The following AP4B1 variants were observed in gnomAD, a reference collection of about 807,000 sequenced individuals.
AP4B1 encodes the protein adaptor related protein complex 4 subunit beta 1, also known as AP-4 complex subunit beta-1.
A neutral mutation model predicts 76.5 loss-of-function variants in AP4B1; 49 were observed. The observed-to-expected ratio is 0.64, with a 90% CI of 0.51 to 0.81. The LOEUF (loss-of-function observed/expected upper bound fraction) is 0.81. AP4B1 is among the 40% of genes least tolerant of loss of function. AP4B1 has a pLI of 0.00. For missense variants in AP4B1, 911 were observed against 904.9 expected, an observed-to-expected ratio of 1.01 and a Z score of -0.09; for synonymous variants, 330 against 333.3, an observed-to-expected ratio of 0.99 and a Z score of 0.11.
Position 113,894,768 on chromosome 1 carries a change from TTAA to T in AP4B1, c.*294_*296del. The T allele has an allele frequency of 2.8e-6, 1 of 361,364 alleles. No homozygotes were observed. Among genetic ancestry groups the T allele is most frequent in the Non-Finnish European group, 5.2e-6 (1 of 193,140 alleles). The allele number at this position is 361,364 out of a possible 1,614,324, so 22.4% of individuals were successfully genotyped here. A position where few individuals can be genotyped will look rare whatever the true frequency, so the allele number is the denominator to read the frequency against. ...ATCAGTTTCCACACATCAGCCATCT[TTAA>T]TTACTAACACAATTCCTAAAATTGA... On this transcript the variant is annotated 3_prime_UTR_variant, in exon 10 of 10. Coordinates refer to ENST00000369569, the MANE Select transcript of AP4B1 (RefSeq NM_001253852.3).
At position 113,894,967 on chromosome 1, in the gene AP4B1, G is replaced by A. The variant is rs993907837; in HGVS notation, c.*98C>T. On this transcript the variant is annotated 3_prime_UTR_variant, in exon 10 of 10. Coordinates refer to ENST00000369569, the MANE Select transcript of AP4B1 (RefSeq NM_001253852.3). The stretch of plus-strand genomic sequence containing the variant: ...ATTTCTAGATTTTCCACTCTCCTTT[G>A]TATCTGATATTATCTGGACTTACTG... 80 of 1,299,744 alleles carry A rather than the reference G, an allele frequency of 6.2e-5. No homozygotes were observed. In the Middle Eastern group the frequency reaches 7.7e-4, roughly 13 times the overall value. The allele number at this position is 1,299,744 out of a possible 1,614,324, so 80.5% of individuals were successfully genotyped here.
At chr1:113,904,359 C>G (rs1303445243) in intron 1 of AP4B1, among the ~76,000 whole-genome samples, 1 of 152,216 alleles carries the variant, frequency 6.6e-6, no homozygotes, top group Non-Finnish European at 1.5e-5. Context: ...TCTGTACTAG[C>G]TATATTATAG....
rs1469035694 is a variant in AP4B1, at chr1:113,895,267, C to T, written c.2018G>A (p.Arg673Lys). 1 of 1,614,214 alleles carries T rather than the reference C, an allele frequency of 6.2e-7. No individual in the cohort carries two copies. The highest frequency in any genetic ancestry group is 8.5e-7 in the Non-Finnish European group (1 of 1,180,032). The change falls in exon 10 of 10, where the codon AGG becomes AAG. Residue 673 changes from arginine to lysine, a missense_variant. Arg to Lys is a conservative substitution (Grantham distance 26). Transcript: ENST00000369569. ...TGCTTTCCATGGCCGAGACCCAGCCCTACTCATTGCGATGGTCTGGATGTT... is the reference window on the plus strand; with the variant it reads ...TGCTTTCCATGGCCGAGACCCAGCCTTACTCATTGCGATGGTCTGGATGTT... ...VVNIQTIAMSRAGSRPWKAYL... is the reference protein window; with the variant it reads ...VVNIQTIAMSKAGSRPWKAYL...
chr1:113,899,847 A>G (rs1351693688), intron 5 of AP4B1, 57 bp downstream of exon 5: 7 of 1,613,820 alleles, frequency 4.3e-6, no homozygotes, highest in Non-Finnish European at 5.9e-6. Context: ...TCCTCTAACC[A>G]CAGTTTTCTT....
At chr1:113,901,614 G>C in intron 3 of AP4B1, 141 bp downstream of exon 3, 1 of 1,322,862 alleles carries the variant, frequency 7.6e-7, no homozygotes, top group East Asian at 2.4e-5. Context: ...ATCTCCAGAA[G>C]ATACCAAGCC....
Position 113,901,827 on chromosome 1 carries a change from C to A in AP4B1, c.397G>T (p.Ala133Ser). 6.2e-7 allele frequency: 1 copy of A among 1,614,182 alleles called. No homozygotes were observed. The highest frequency in any genetic ancestry group is 8.5e-7 in the Non-Finnish European group (1 of 1,180,032). The change falls in exon 3 of 10, where the codon GCT (alanine) becomes TCT (serine). Residue 133 changes from alanine to serine, a missense_variant. By Grantham distance (99) the Ala-to-Ser change is moderately conservative. Transcript: ENST00000369569. ...ACTGCCACTCTCCTGACATATGAAG[C>A]CTTATCCCGCAGACCATTGAGAATA... ...QPILNGLRDK[A>S]SYVRRVAVLG...
intron 2 of AP4B1, among the ~76,000 whole-genome samples, chr1:113,902,426 T>C (rs1330496392): frequency 3.9e-5 from 6 of 152,208 alleles, no homozygotes; most frequent in African/African-American, 1.4e-4. Flanking sequence ...TGAGGACTAT[T>C]TTACTTAGAG....
At chr1:113,901,102 C>T (rs750105839) in intron 4 of AP4B1, 134 bp downstream of exon 4, 46 of 1,277,896 alleles carry the variant, frequency 3.6e-5, no homozygotes, top group Middle Eastern at 1.9e-4. Context: ...AGCAAAACTC[C>T]GTCTCAAATA....
At chr1:113,895,714 A>G in intron 9 of AP4B1, 43 bp downstream of exon 9, 4 of 1,611,982 alleles carry the variant, frequency 2.5e-6, no homozygotes, top group Non-Finnish European at 3.4e-6. Flanking sequence ...TTGAAAAGGT[A>G]AAGATTTATC....
At chr1:113,900,458 T>C in intron 4 of AP4B1, 58 bp from the exon 5 acceptor site, 1 of 1,591,904 alleles carries the variant, frequency 6.3e-7, no homozygotes, top group Non-Finnish European at 8.6e-7. Flanking sequence ...ACCATTTCCA[T>C]GCCACTGCCA....
Position 113,902,768 on chromosome 1 carries a change from G to T in AP4B1, c.208C>A (p.Leu70Met). 1 of 1,614,220 alleles carries T rather than the reference G, an allele frequency of 6.2e-7. No homozygotes were observed. The change falls in exon 2 of 10, where the codon CTG becomes ATG. Residue 70 changes from leucine (L) to methionine (M), a missense_variant. Leu to Met is a conservative substitution (Grantham distance 15, BLOSUM62 2). Transcript: ENST00000369569. ...VDIVQKKLVYLYMCTYAPLKP... is the reference protein window; with the variant it reads ...VDIVQKKLVYMYMCTYAPLKP... ...AGGGGAGCATATGTGCACATGTACA[G>T]ATAAACCAACTTCTTCTGGACAATA...
At chr1:113,896,723 T>C in intron 7 of AP4B1, 1 of 547,070 alleles carries the variant, frequency 1.8e-6, no homozygotes, top group Non-Finnish European at 3.2e-6. Flanking sequence ...TCCTCAGGTT[T>C]GGGGCCTTTG....
chr1:113,898,539 G>C (rs900492270), intron 6 of AP4B1, among the ~76,000 whole-genome samples, 179 bp downstream of exon 6: 1 of 152,200 alleles, frequency 6.6e-6, no homozygotes, highest in Admixed American at 6.5e-5. Flanking sequence ...ATGGCAGCCT[G>C]AAGACTCAAT....
intron 8 of AP4B1, 71 bp from the exon 9 acceptor site, chr1:113,896,109 A>G: frequency 3.1e-6 from 5 of 1,606,948 alleles, no homozygotes; most frequent in Non-Finnish European, 4.3e-6. Context: ...GCCAACCATA[A>G]TAGGAGAAAA....
chr1:113,901,445 C>CCA, intron 3 of AP4B1, 62 bp from the exon 4 acceptor site: 1 of 1,559,608 alleles, frequency 6.4e-7, no homozygotes, highest in Non-Finnish European at 8.8e-7. Context: ...AAGGATGTAG[C>CCA]CAGAGTAATA....
intron 6 of AP4B1, 101 bp from the exon 7 acceptor site, chr1:113,898,044 T>C: frequency 6.3e-7 from 1 of 1,580,826 alleles, no homozygotes; most frequent in Non-Finnish European, 8.6e-7. Flanking sequence ...TCTGGCTGGA[T>C]TTCTGTAAAA....
Position 113,901,295 on chromosome 1 carries a change from A to C in AP4B1, c.558T>G (p.Ile186Met), listed in dbSNP as rs1444949077. The C allele has an allele frequency of 1.2e-6, 2 of 1,614,032 alleles. No individual in the cohort carries two copies. Among genetic ancestry groups the C allele is most frequent in the Non-Finnish European group, 1.7e-6 (2 of 1,180,034 alleles). Residue 186 changes from isoleucine to methionine, a missense_variant, in exon 4 of 10, where the codon ATT (isoleucine) becomes ATG (methionine). Transcript: ENST00000369569. ...TGACAACGCCTCCTTCCTGTTTCAG[A>C]ATTTCCTCTAGAGACCTCAAGCAGT... ...VVNCLRSLEE[I>M]LKQEGGVVIN...
intron 2 of AP4B1, 119 bp downstream of exon 2, chr1:113,902,519 T>C: frequency 9.8e-7 from 1 of 1,016,566 alleles, no homozygotes; most frequent in South Asian, 1.4e-5. Flanking sequence ...GAGTTCAGGG[T>C]ACAATAATGT....
chr1:113,896,066 T>C, intron 8 of AP4B1, 28 bp from the exon 9 acceptor site: 1 of 1,614,182 alleles, frequency 6.2e-7, no homozygotes. Context: ...ATTGACTTCA[T>C]TAAAAACAAA....
Sources: allele counts gnomAD v4.1 joint callset (sites outside exome capture counted in the v4.1 genomes callset), GRCh38; gene constraint gnomAD v4.1.1; transcripts MANE v1.5; gene names NCBI Gene and HGNC (gene_info 2026-07-23, HGNC 2026-07-21).